Variants in SULF2 observed in about 807,000 individuals in gnomAD.
The protein encoded by SULF2 is sulfatase 2.
SULF2 carries 52 observed loss-of-function variants against 107.7 expected under a neutral mutation model. That is an observed-to-expected ratio of 0.48 (90% CI 0.39 to 0.61). SULF2 has a LOEUF of 0.61. SULF2 is among the 20% of genes least tolerant of loss of function. The pLI is 0.00. For synonymous variants in SULF2, 460 were observed against 464.3 expected (o/e 0.99, Z 0.12); for missense variants, 993 against 1,177.3 (o/e 0.84, Z 2.29).
chr20:47,683,497 C>T (rs537621687), intron 6 of SULF2, among the ~76,000 whole-genome samples: 2 of 152,376 alleles, frequency 1.3e-5, no homozygotes, highest in Admixed American at 6.5e-5. Context: ...CTGTATCCCA[C>T]GTACACTGGC....
In SULF2 at chr20:47,658,077, T is replaced by A. The variant is rs575858375; in HGVS notation, c.*285A>T. ...CTCTCCGTTTTCCTTTGTGAGCTTCTGGGGGAGGGTTAGTGGTGACTTTTT... is the reference window on the plus strand; with the variant it reads ...CTCTCCGTTTTCCTTTGTGAGCTTCAGGGGGAGGGTTAGTGGTGACTTTTT... On this transcript the variant is annotated 3_prime_UTR_variant, in exon 21 of 21. Coordinates refer to ENST00000688720, the MANE Select transcript of SULF2 (RefSeq NM_001387048.1). 5 of 458,704 alleles carry A rather than the reference T, an allele frequency of 1.1e-5. No individual in the cohort carries two copies. The highest frequency in any genetic ancestry group is 1.1e-4 in the East Asian group (3 of 28,166). 28.4% of individuals were successfully genotyped at this position (458,704 alleles called of 1,614,324 possible).
rs185138355 is a variant in SULF2, at chr20:47,657,501, C to T, written c.*861G>A. The T allele has an allele frequency of 2.0e-4, 30 of 152,198 alleles. No individual in the cohort carries two copies. The East Asian group carries it at 5.6e-3, about 28-fold the overall frequency. The allele number at this position is 152,198 out of a possible 1,614,324, so 9.4% of individuals were successfully genotyped here. A position where few individuals can be genotyped will look rare whatever the true frequency, so the allele number is the denominator to read the frequency against. Reference sequence around the variant, plus strand: ...TGAACACTGTATGACAATACTTAAACTACAAAATTTTTTTTACAAATACAG... The same window carrying T: ...TGAACACTGTATGACAATACTTAAATTACAAAATTTTTTTTACAAATACAG... On this transcript the variant is annotated 3_prime_UTR_variant, in exon 21 of 21. Coordinates refer to ENST00000688720, the MANE Select transcript of SULF2 (RefSeq NM_001387048.1).
chr20:47,745,391 AAAAAAAAAAAAAAAAAAAAATATAT>A lies in SULF2; in HGVS notation c.176-8474_176-8450del, dbSNP rs1410534812. On this transcript the variant is annotated intron_variant, in intron 2 of 20. Transcript: ENST00000688720. Reference sequence around the variant, plus strand: ...GTTCTGAGTTTTGAGGGAAAAAAAAAAAAAAAAAAAAAAAAAAAAATATATATATATATATATATATATATATATA... The same window carrying A: ...GTTCTGAGTTTTGAGGGAAAAAAAAAATATATATATATATATATATATATA... Among the ~76,000 whole-genome samples the A allele has an allele frequency of 5.8e-4, 8 of 13,834 alleles. No homozygotes were observed. The African/African-American group carries it at 7.2e-3, about 12-fold the overall frequency. 9.1% of individuals were successfully genotyped at this position (13,834 alleles called of 152,430 possible).
rs868666299 is a variant in SULF2, at chr20:47,710,660, A to G, written c.416-7990T>C. ...AGTGCCTACTAAGGGTTATATTTTC[A>G]TTATCCACCAATGGGCCCGTCCCCT... On this transcript the variant is annotated intron_variant, in intron 3 of 20. Coordinates refer to ENST00000688720, the MANE Select transcript of SULF2 (RefSeq NM_001387048.1). Among the ~76,000 whole-genome samples the G allele has an allele frequency of 2.6e-5, 4 of 152,202 alleles. No homozygotes were observed. The South Asian group carries it at 8.3e-4, about 32-fold the overall frequency.
intron 4 of SULF2, among the ~76,000 whole-genome samples, chr20:47,701,621 C>A (rs1011155685): frequency 6.6e-6 from 1 of 152,194 alleles, no homozygotes; most frequent in African/African-American, 2.4e-5. Flanking sequence ...GAGCTAGGTT[C>A]TAGACAGTGC....
chr20:47,661,186 C>CA (rs2087054771), intron 18 of SULF2, among the ~76,000 whole-genome samples: 5 of 152,112 alleles, frequency 3.3e-5, no homozygotes, highest in Admixed American at 2.0e-4. Flanking sequence ...GTGTTGGCTG[C>CA]ACCCCCTGAG....
chr20:47,774,313 C>T (rs531394167), intron 1 of SULF2, among the ~76,000 whole-genome samples: 54 of 152,188 alleles, frequency 3.5e-4, no homozygotes, highest in East Asian at 5.8e-4. Context: ...TCCCCTGCTG[C>T]GGGGACTCAC....
chr20:47,776,323 C>T (rs189895440), intron 1 of SULF2, among the ~76,000 whole-genome samples: 5 of 152,294 alleles, frequency 3.3e-5, no homozygotes, highest in African/African-American at 9.6e-5. Flanking sequence ...GTTAGGTGGC[C>T]TGTGATGTCC....
At chr20:47,746,994 AATATATAT>A (rs57147246) in intron 2 of SULF2, among the ~76,000 whole-genome samples, 13 of 131,894 alleles carry the variant, frequency 9.9e-5, no homozygotes, top group African/African-American at 3.4e-4. Flanking sequence ...AAAAAAAAAA[AATATATAT>A]ATATATATAT....
At position 47,677,221 on chromosome 20, in the gene SULF2, AGTCAGCCTTGGTTTACG is replaced by A. The variant is rs11467138; in HGVS notation, c.1194-104_1194-88del. On this transcript the variant is annotated intron_variant, in intron 8 of 20. Coordinates refer to ENST00000688720, the MANE Select transcript of SULF2 (RefSeq NM_001387048.1). ...CCCCAGGAGCAGGGACGGCACCAGG[AGTCAGCCTTGGTTTACG>A]GTCAGCCTGGACAGCAATTGTGGTG... 7,335 of 1,477,806 alleles carry A rather than the reference AGTCAGCCTTGGTTTACG, an allele frequency of 5.0e-3. 199 individuals are homozygous for A. In the East Asian group the frequency reaches 0.065, roughly 13 times the overall value. 91.5% of individuals were successfully genotyped at this position (1,477,806 alleles called of 1,614,324 possible).
intron 15 of SULF2, 28 bp downstream of exon 15, chr20:47,664,102 C>G: frequency 6.2e-7 from 1 of 1,612,412 alleles, no homozygotes; most frequent in South Asian, 1.1e-5. Flanking sequence ...CTCTGCATCT[C>G]TTCCCCAGGA....
chr20:47,707,079 T>C (rs554023878), intron 3 of SULF2, among the ~76,000 whole-genome samples: 4 of 152,258 alleles, frequency 2.6e-5, no homozygotes, highest in African/African-American at 9.6e-5. Context: ...AACCTCTGCC[T>C]CCCAGGTTCA....
chr20:47,751,767 T>C (rs1450157632), intron 2 of SULF2, among the ~76,000 whole-genome samples: 1 of 152,232 alleles, frequency 6.6e-6, no homozygotes, highest in Non-Finnish European at 1.5e-5. Context: ...CACTCGTAAC[T>C]GAGAGAATCC....
Position 47,663,207 on chromosome 20 carries a change from G to A in SULF2, c.2233C>T (p.Pro745Ser), listed in dbSNP as rs766819612. 3 of 1,614,076 alleles carry A rather than the reference G, an allele frequency of 1.9e-6. No individual in the cohort carries two copies. The highest frequency in any genetic ancestry group is 1.7e-6 in the Non-Finnish European group (2 of 1,180,032). The change falls in exon 17 of 21, where the codon CCT becomes TCT. Residue 745 changes from proline to serine, a missense_variant. Around this residue, in one of 3 missense-constraint regions of SULF2, gnomAD observed 497 missense variants for 544.1 expected, o/e 0.91. Transcript: ENST00000688720. ...TTGGCGCTGGTGCAGGCACAGAAAG[G>A]CCCCACTGCCAAGGAAGAGAGAGCA... ...WQTAPFWTLG[P>S]FCACTSANNN...
chr20:47,689,183 T>C (rs906416556), intron 5 of SULF2, among the ~76,000 whole-genome samples: 1 of 152,170 alleles, frequency 6.6e-6, no homozygotes, highest in Non-Finnish European at 1.5e-5. Flanking sequence ...AAAATGGGAA[T>C]ACCAAGTGTG....
intron 2 of SULF2, among the ~76,000 whole-genome samples, chr20:47,742,259 G>A (rs991477094): frequency 3.9e-5 from 6 of 152,210 alleles, no homozygotes; most frequent in East Asian, 3.8e-4. Context: ...CAGCTCCGAC[G>A]GGAGGGAAGG....
chr20:47,684,652 C>A (rs1381270836), intron 5 of SULF2, 71 bp from the exon 6 acceptor site: 1 of 1,528,794 alleles, frequency 6.5e-7, no homozygotes, highest in Non-Finnish European at 8.9e-7. Context: ...CCCGCCAGAC[C>A]CGCCCGGATG....
At chr20:47,679,996 TG>T (rs2087772001) in intron 7 of SULF2, among the ~76,000 whole-genome samples, 1 of 152,228 alleles carries the variant, frequency 6.6e-6, no homozygotes, top group Non-Finnish European at 1.5e-5. Context: ...GCAGGAAGGC[TG>T]GCTCAGGTGG....
At chr20:47,780,910 C>T (rs1217834394) in intron 1 of SULF2, among the ~76,000 whole-genome samples, 2 of 152,228 alleles carry the variant, frequency 1.3e-5, no homozygotes, top group East Asian at 3.8e-4. Context: ...GACAAAGAGG[C>T]CCACGCTCCA....
Sources: gnomAD v4.1 joint callset for allele counts (sites outside exome capture counted in the v4.1 genomes callset) on GRCh38, gnomAD v4.1.1 for gene constraint, gnomAD v4.1.1 regional missense constraint, MANE v1.5 for transcripts, NCBI Gene and HGNC (gene_info 2026-07-23, HGNC 2026-07-21) for gene names.